The following CD2AP variants were observed in gnomAD, a reference collection of about 807,000 sequenced individuals.
CD2AP encodes CD2 associated protein, also known as CD2-associated protein.
A neutral mutation model predicts 85.1 loss-of-function variants in CD2AP; 46 were observed. That is an observed-to-expected ratio of 0.54 (90% CI 0.43 to 0.69). CD2AP has a LOEUF of 0.69. Among genes scored for constraint, CD2AP ranks in the 30% least tolerant of loss-of-function variants. The probability of loss-of-function intolerance (pLI) is 0.00; values close to 1 mark genes in which losing one functional copy is unlikely to be tolerated. For synonymous variants in CD2AP, 255 were observed against 252.9 expected (o/e 1.01, Z -0.08); for missense variants, 769 against 729.5 (o/e 1.05, Z -0.62).
intron 2 of CD2AP, among the ~76,000 whole-genome samples, chr6:47,515,088 A>G (rs1195999560): frequency 6.6e-6 from 1 of 151,956 alleles, no homozygotes; most frequent in Non-Finnish European, 1.5e-5. Flanking sequence ...ATTGGTTCTT[A>G]AGGTAGAAAG....
chr6:47,613,313 G>A (rs1209602663), intron 17 of CD2AP, among the ~76,000 whole-genome samples: 1 of 152,040 alleles, frequency 6.6e-6, no homozygotes, highest in Admixed American at 6.6e-5. Flanking sequence ...ACTATCTATG[G>A]CAGCTATAGC....
intron 2 of CD2AP, among the ~76,000 whole-genome samples, chr6:47,524,277 A>G (rs1766667593): frequency 6.6e-6 from 1 of 152,150 alleles, no homozygotes; most frequent in Admixed American, 6.5e-5. Flanking sequence ...CTTCTGGGAT[A>G]TCTCCTGCTC....
chr6:47,587,463 G>A (rs1768663358), intron 11 of CD2AP, among the ~76,000 whole-genome samples: 1 of 152,116 alleles, frequency 6.6e-6, no homozygotes, highest in Non-Finnish European at 1.5e-5. Flanking sequence ...AAGCCACCAC[G>A]TGGATTTTCT....
At chr6:47,554,399 A>G (rs1767617258) in intron 4 of CD2AP, among the ~76,000 whole-genome samples, 1 of 152,212 alleles carries the variant, frequency 6.6e-6, no homozygotes, top group African/African-American at 2.4e-5. Context: ...ATAGATTGCG[A>G]TTGATTACAA....
At chr6:47,513,381 G>T (rs377282321) in intron 2 of CD2AP, among the ~76,000 whole-genome samples, 1 of 151,976 alleles carries the variant, frequency 6.6e-6, no homozygotes, top group African/African-American at 2.4e-5. Flanking sequence ...GCCTATCTAT[G>T]TAGGTTCTAG....
At position 47,589,565 on chromosome 6, in the gene CD2AP, C is replaced by CACATATATATATAT. The variant is rs139814970; in HGVS notation, c.1109-6295_1109-6294insCATATATATATATA. On this transcript the variant is annotated intron_variant, in intron 11 of 17. Coordinates refer to ENST00000359314, the MANE Select transcript of CD2AP (RefSeq NM_012120.3). ...ACACATATATATACACACACACACA[C>CACATATATATATAT]ATATATATATATATATTTGTCAGAG... 3.0e-3 allele frequency among the ~76,000 whole-genome samples: 359 copies of CACATATATATATAT among 120,958 alleles called. 5 individuals carry two copies. Among genetic ancestry groups the CACATATATATATAT allele is most frequent in the African/African-American group, 4.6e-3 (154 of 33,656 alleles). 79.4% of individuals were successfully genotyped at this position (120,958 alleles called of 152,430 possible). A position where few individuals can be genotyped will look rare whatever the true frequency, so the allele number is the denominator to read the frequency against.
At position 47,570,100 on chromosome 6, in the gene CD2AP, T is replaced by C. The variant is rs572020748; in HGVS notation, c.542-3964T>C. ...TGAAAGATGACTTTAATGGTGAACT[T>C]GGATTGATTCTATTAAATGCTTTTT... On this transcript the variant is annotated intron_variant, in intron 5 of 17. Transcript: ENST00000359314. Among the ~76,000 whole-genome samples, 6 of 152,310 alleles carry C rather than the reference T, an allele frequency of 3.9e-5. No homozygotes were observed. In the South Asian group the frequency reaches 1.0e-3, roughly 26 times the overall value.
At chr6:47,558,910 CT>C (rs1201545429) in intron 5 of CD2AP, among the ~76,000 whole-genome samples, 1 of 152,112 alleles carries the variant, frequency 6.6e-6, no homozygotes, top group African/African-American at 2.4e-5. Context: ...ACCAGCTCCT[CT>C]TTGTACCTCT....
In CD2AP at chr6:47,596,945, G is replaced by A. The variant is rs75600017; in HGVS notation, c.1274+919G>A. 7.6e-3 allele frequency among the ~76,000 whole-genome samples: 1,162 copies of A among 152,002 alleles called. 9 individuals are homozygous for A. The highest frequency in any genetic ancestry group is 0.026 in the African/African-American group (1,075 of 41,478). Reference sequence around the variant, plus strand: ...TTATTATCTTTTATCTTTTTGAAAAGTTAAAGTTTATTTTAATGTTGTAAA... The same window carrying A: ...TTATTATCTTTTATCTTTTTGAAAAATTAAAGTTTATTTTAATGTTGTAAA... On this transcript the variant is annotated intron_variant, in intron 12 of 17. Coordinates refer to ENST00000359314, the MANE Select transcript of CD2AP (RefSeq NM_012120.3).
At chr6:47,586,165 ATG>A (rs994333980) in intron 11 of CD2AP, among the ~76,000 whole-genome samples, 3 of 152,192 alleles carry the variant, frequency 2.0e-5, no homozygotes, top group African/African-American at 7.2e-5. Context: ...AACGTTTCCC[ATG>A]TGTTTAAAAA....
rs3756936 is a variant in CD2AP, at chr6:47,503,557, A to G, written c.165+117A>G. The G allele has an allele frequency of 1.1e-4, 100 of 947,356 alleles. 1 individual carries two copies. The East Asian group carries it at 2.3e-3, about 22-fold the overall frequency. 58.7% of individuals were successfully genotyped at this position (947,356 alleles called of 1,614,324 possible). A position where few individuals can be genotyped will look rare whatever the true frequency, so the allele number is the denominator to read the frequency against. ...TTTAGATAAATGTTTTCTTTGTAAC[A>G]TTTAAGAAAATAGAGTCCAGGTACC... On this transcript the variant is annotated intron_variant, in intron 2 of 17. Coordinates refer to ENST00000359314, the MANE Select transcript of CD2AP (RefSeq NM_012120.3).
At chr6:47,536,064 C>CT (rs976783901) in intron 3 of CD2AP, among the ~76,000 whole-genome samples, 2 of 152,024 alleles carry the variant, frequency 1.3e-5, no homozygotes, top group African/African-American at 4.8e-5. Context: ...AAGCTTAGGC[C>CT]TTTTTTTCCT....
In CD2AP at chr6:47,514,934, C is replaced by T. The variant is rs193186329; in HGVS notation, c.165+11494C>T. ...AGGAGTGGTGGCACGCACCTGCAAT[C>T]CCAGCTACTCGGGAGGCTGAGGCAG... On this transcript the variant is annotated intron_variant, in intron 2 of 17. Transcript: ENST00000359314. Among the ~76,000 whole-genome samples the T allele has an allele frequency of 9.2e-5, 14 of 152,162 alleles. No individual in the cohort carries two copies. In the East Asian group the frequency reaches 2.5e-3, roughly 27 times the overall value.
chr6:47,614,793 C>G (rs1769537146), intron 17 of CD2AP, among the ~76,000 whole-genome samples: 1 of 152,184 alleles, frequency 6.6e-6, no homozygotes, highest in African/African-American at 2.4e-5. Flanking sequence ...GTTCTCTCTT[C>G]TGTGCAGTTA....
chr6:47,566,745 GAGGATGATGGCTTC>G (rs1768013977), intron 5 of CD2AP, among the ~76,000 whole-genome samples: 1 of 152,110 alleles, frequency 6.6e-6, no homozygotes, highest in Non-Finnish European at 1.5e-5. Context: ...TTAGTTTGCT[GAGGATGATGGCTTC>G]CAGCGTCATC....
chr6:47,486,550 A>T (rs1433694274), intron 1 of CD2AP, among the ~76,000 whole-genome samples: 4 of 152,100 alleles, frequency 2.6e-5, no homozygotes, highest in Non-Finnish European at 5.9e-5. Flanking sequence ...CATTAGTTTG[A>T]CCAGTGATGA....
At chr6:47,537,674 AT>A (rs1271526555) in intron 3 of CD2AP, among the ~76,000 whole-genome samples, 1 of 152,122 alleles carries the variant, frequency 6.6e-6, no homozygotes, top group Non-Finnish European at 1.5e-5. Flanking sequence ...GATAATGAAG[AT>A]TTTCTAAAAT....
At chr6:47,554,573 T>C in intron 4 of CD2AP, 73 bp from the exon 5 acceptor site, 15 of 1,556,002 alleles carry the variant, frequency 9.6e-6, no homozygotes, top group Non-Finnish European at 1.3e-5. Flanking sequence ...CTTTTGCAGC[T>C]TAATTTTCCC....
At chr6:47,531,797 G>A (rs993431510) in intron 2 of CD2AP, among the ~76,000 whole-genome samples, 3 of 152,026 alleles carry the variant, frequency 2.0e-5, no homozygotes, top group African/African-American at 7.2e-5. Flanking sequence ...TTTCGGCCGG[G>A]CGTGGTGGCT....
Sources: allele counts gnomAD v4.1 joint callset (sites outside exome capture counted in the v4.1 genomes callset), GRCh38; gene constraint gnomAD v4.1.1; transcripts MANE v1.5; gene names NCBI Gene and HGNC (gene_info 2026-07-23, HGNC 2026-07-21).